LIG1: variants seen among roughly 807,000 people sequenced by gnomAD.
LIG1 encodes the protein ligase I, DNA, ATP-dependent.
In LIG1, 70 loss-of-function variants were observed where a neutral mutation model predicts 115.7. The ratio of observed to expected loss-of-function variants is 0.60; its 90% CI spans 0.50 to 0.74. LIG1 has a LOEUF of 0.74. Ranked by LOEUF, LIG1 falls within the 30% of genes least tolerant of loss-of-function variation. The probability of loss-of-function intolerance (pLI) is 0.00; values close to 1 mark genes in which losing one functional copy is unlikely to be tolerated. For synonymous variants in LIG1, 487 were observed against 495.3 expected, an observed-to-expected ratio of 0.98 and a Z score of 0.22; for missense variants, 1,115 against 1,225.6, an observed-to-expected ratio of 0.91 and a Z score of 1.35.
At chr19:48,155,041 G>A (rs888826457) in intron 5 of LIG1, among the ~76,000 whole-genome samples, 1 of 152,088 alleles carries the variant, frequency 6.6e-6, no homozygotes, top group Non-Finnish European at 1.5e-5. Context: ...TGAGGTTTGG[G>A]ACATAGCTCA....
intron 12 of LIG1, among the ~76,000 whole-genome samples, chr19:48,139,362 A>G (rs1326713123): frequency 1.3e-5 from 2 of 152,104 alleles, no homozygotes; most frequent in Non-Finnish European, 2.9e-5. Context: ...TCACCCTGAC[A>G]TCCACTGTCT....
chr19:48,159,354 G>C (rs1213058573), intron 4 of LIG1, among the ~76,000 whole-genome samples: 2 of 137,784 alleles, frequency 1.5e-5, no homozygotes, highest in South Asian at 2.2e-4. Context: ...ACAGGCGTGA[G>C]CCATCATGCC....
chr19:48,130,178 CT>C (rs1210036866), intron 19 of LIG1, among the ~76,000 whole-genome samples: 1 of 152,218 alleles, frequency 6.6e-6, no homozygotes, highest in Non-Finnish European at 1.5e-5. Flanking sequence ...AAATCACTAA[CT>C]TTTAGGGAAA....
At chr19:48,134,319 G>A (rs1319280696) in intron 16 of LIG1, among the ~76,000 whole-genome samples, 2 of 152,042 alleles carry the variant, frequency 1.3e-5, no homozygotes, top group Non-Finnish European at 2.9e-5. Flanking sequence ...TTCTCTACTC[G>A]GCTACACAGG....
In LIG1 at chr19:48,143,414, A is replaced by G. The variant is rs907596286; in HGVS notation, c.914+129T>C. On this transcript the variant is annotated intron_variant, in intron 11 of 27. Coordinates refer to ENST00000263274, the MANE Select transcript of LIG1 (RefSeq NM_000234.3). The stretch of plus-strand genomic sequence containing the variant: ...TTTGTGACCATGTCTGACATCCATG[A>G]TCATACGCCCGAGCGGGGTCAGAGG... 5 of 867,306 alleles carry G rather than the reference A, an allele frequency of 5.8e-6. No homozygotes were observed. In the African/African-American group the frequency reaches 6.6e-5, roughly 11 times the overall value. The allele number at this position is 867,306 out of a possible 1,614,324, so 53.7% of individuals were successfully genotyped here.
In LIG1 at chr19:48,140,080, G is replaced by A. The variant is rs2034641517; in HGVS notation, c.978C>T (p.Asp326=). ...GGCTGAGGTAGAGGACAGGGAGGAG[G>A]TCTGGAGGCGACAGGGCCACCACGG... ...LRSVVALSPP[D]LLPVLYLSLN... The change falls in exon 12 of 28, where the codon GAC becomes GAT. Residue 326 remains aspartate, a synonymous_variant. Coordinates refer to ENST00000263274, the MANE Select transcript of LIG1 (RefSeq NM_000234.3). The A allele has an allele frequency of 2.5e-6, 4 of 1,613,972 alleles. 1 individual carries two copies. The highest frequency in any genetic ancestry group is 1.1e-5 in the South Asian group (1 of 91,088).
chr19:48,131,173 T>C lies in LIG1; in HGVS notation c.1726-2A>G. Reference sequence around the variant, plus strand: ...CTCCCCGCCTTCCAGGGCGTGGATCTGTCACGATGGGAGAAGGGAGGGGAA... The same window carrying C: ...CTCCCCGCCTTCCAGGGCGTGGATCCGTCACGATGGGAGAAGGGAGGGGAA... On this transcript the variant is annotated splice_acceptor_variant, in intron 18 of 27. Transcript: ENST00000263274. LOFTEE classifies it high-confidence loss of function. The C allele has an allele frequency of 6.2e-7, 1 of 1,612,938 alleles. No homozygotes were observed. Among genetic ancestry groups the C allele is most frequent in the Non-Finnish European group, 8.5e-7 (1 of 1,178,966 alleles).
intron 10 of LIG1, 86 bp downstream of exon 10, chr19:48,143,797 A>G: frequency 8.0e-7 from 1 of 1,251,270 alleles, no homozygotes. Context: ...AGACTTGACC[A>G]TTTCTCCCAA....
chr19:48,161,959 T>C (rs1026506303), intron 3 of LIG1, among the ~76,000 whole-genome samples: 2 of 151,408 alleles, frequency 1.3e-5, no homozygotes, highest in Admixed American at 6.6e-5. Flanking sequence ...AGTACTGTTG[T>C]CTTCTACTTA....
Position 48,161,458 on chromosome 19 carries a change from C to T in LIG1, c.157G>A (p.Val53Met), listed in dbSNP as rs930594840. 2.0e-5 allele frequency: 32 copies of T among 1,614,064 alleles called. No individual in the cohort carries two copies. In the East Asian group the frequency reaches 2.0e-4, roughly 10 times the overall value. ...GCCGCCTTCCTCCCTGGCCTCTTCA[C>T]CGGAGAGTCACTCTCGGACACCACT... is the stretch of plus-strand genomic sequence containing the variant. ...NGVVSESDSPVKRPGRKAARV... is the reference protein window; with the variant it reads ...NGVVSESDSPMKRPGRKAARV... The change falls in exon 4 of 28, where the codon GTG becomes ATG. Residue 53 changes from valine to methionine, a missense_variant. Coordinates refer to ENST00000263274, the MANE Select transcript of LIG1 (RefSeq NM_000234.3).
Position 48,131,180 on chromosome 19 carries a change from A to T in LIG1, c.1726-9T>A, listed in dbSNP as rs774406656. The T allele has an allele frequency of 5.0e-6, 8 of 1,610,932 alleles. No homozygotes were observed. The highest frequency in any genetic ancestry group is 1.3e-5 in the African/African-American group (1 of 74,850). Reference sequence around the variant, plus strand: ...CCTTCCAGGGCGTGGATCTGTCACGATGGGAGAAGGGAGGGGAAATCAGCT... The same window carrying T: ...CCTTCCAGGGCGTGGATCTGTCACGTTGGGAGAAGGGAGGGGAAATCAGCT... On this transcript the variant is annotated splice_polypyrimidine_tract_variant and intron_variant, in intron 18 of 27. Transcript: ENST00000263274.
intron 9 of LIG1, among the ~76,000 whole-genome samples, chr19:48,145,110 G>A (rs3730923): frequency 4.9e-4 from 75 of 152,260 alleles, no homozygotes; most frequent in Non-Finnish European, 1.0e-3. Context: ...TGTTGCACAC[G>A]CTGGTGTCTC....
intron 1 of LIG1, 139 bp from the exon 2 acceptor site, chr19:48,165,762 T>C (rs1038643151): frequency 2.8e-6 from 2 of 710,348 alleles, no homozygotes; most frequent in Non-Finnish European, 4.9e-6. Context: ...CTCCTGTTTT[T>C]ATGAACCAAA....
At chr19:48,123,048 A>G in intron 22 of LIG1, 32 bp from the exon 23 acceptor site, 1 of 1,612,702 alleles carries the variant, frequency 6.2e-7, no homozygotes, top group Non-Finnish European at 8.5e-7. Flanking sequence ...GGTCCTTGGG[A>G]AGCCCTGGCT....
At chr19:48,151,568 G>A (rs1290575381) in intron 6 of LIG1, among the ~76,000 whole-genome samples, 3 of 151,896 alleles carry the variant, frequency 2.0e-5, no homozygotes, top group Non-Finnish European at 4.4e-5. Context: ...TAGCTGGGAT[G>A]ACAGGCGCCC....
chr19:48,154,074 C>T (rs1373714264), intron 5 of LIG1, 107 bp from the exon 6 acceptor site: 3 of 887,932 alleles, frequency 3.4e-6, no homozygotes, highest in Non-Finnish European at 3.8e-6. Flanking sequence ...TGGGCCCTCT[C>T]CCCTTCTCTG....
intron 18 of LIG1, among the ~76,000 whole-genome samples, chr19:48,132,282 C>G (rs1022047195): frequency 6.6e-4 from 101 of 152,274 alleles, no homozygotes; most frequent in African/African-American, 2.3e-3. Flanking sequence ...CACATTCTTA[C>G]AGACCCCAGG....
chr19:48,165,200 A>C (rs559938315), intron 2 of LIG1, among the ~76,000 whole-genome samples: 2 of 152,104 alleles, frequency 1.3e-5, no homozygotes, highest in African/African-American at 4.8e-5. Flanking sequence ...CGGAGGTTGC[A>C]GTGAGCCGAG....
At chr19:48,117,408 C>T (rs943977815) in intron 26 of LIG1, among the ~76,000 whole-genome samples, 1 of 152,198 alleles carries the variant, frequency 6.6e-6, no homozygotes, top group Non-Finnish European at 1.5e-5. Context: ...GATCTGCCTG[C>T]CTCGGTCTCC....
Sources: allele counts gnomAD v4.1 joint callset (sites outside exome capture counted in the v4.1 genomes callset), GRCh38; gene constraint gnomAD v4.1.1; transcripts MANE v1.5; gene names NCBI Gene and HGNC (gene_info 2026-07-23, HGNC 2026-07-21).